Variants in ZNF516 observed in about 807,000 individuals in gnomAD.
The protein encoded by ZNF516 is zinc finger protein 516.
A neutral mutation model predicts 79.7 loss-of-function variants in ZNF516; 19 were observed. That is an observed-to-expected ratio of 0.24 (90% confidence interval 0.17 to 0.35). ZNF516 has a LOEUF of 0.35. Ranked by LOEUF, ZNF516 falls within the 10% of genes least tolerant of loss-of-function variation. The probability of loss-of-function intolerance (pLI) is 1.00; values close to 1 mark genes in which losing one functional copy is unlikely to be tolerated. For missense variants in ZNF516, 1,678 were observed against 1,679.5 expected, an observed-to-expected ratio of 1.00 and a Z score of 0.02; for synonymous variants, 877 against 739.5, an observed-to-expected ratio of 1.19 and a Z score of -3.02.
At chr18:76,462,548 C>T (rs1200463315) in intron 2 of ZNF516, among the ~76,000 whole-genome samples, 4 of 152,204 alleles carry the variant, frequency 2.6e-5, no homozygotes, top group Admixed American at 6.5e-5. Flanking sequence ...TCCATCACTG[C>T]GTTAGGCAGC....
intron 5 of ZNF516, 102 bp from the exon 6 acceptor site, chr18:76,370,697 C>T (rs1276743475): frequency 2.0e-6 from 2 of 992,772 alleles, no homozygotes. Context: ...AAAAAAGACA[C>T]CAGCGCCTAG....
At chr18:76,471,946 T>C (rs1420218965) in intron 1 of ZNF516, among the ~76,000 whole-genome samples, 2 of 152,160 alleles carry the variant, frequency 1.3e-5, no homozygotes, top group African/African-American at 4.8e-5. Context: ...ACAGCTGCCC[T>C]GCACCCTCCC....
At chr18:76,484,484 A>C (rs902287245) in intron 1 of ZNF516, among the ~76,000 whole-genome samples, 4 of 152,174 alleles carry the variant, frequency 2.6e-5, no homozygotes, top group African/African-American at 9.7e-5. Flanking sequence ...CCGTGCTCTA[A>C]AATGGCGGCC....
chr18:76,493,573 G>A lies in ZNF516; in HGVS notation c.-272+1571C>T, dbSNP rs1277896281. ...CTGGAGATAAACGATCATGTTAACA[G>A]ATGTTAATCTTGTAATCTGTTTTTC... On this transcript the variant is annotated intron_variant, in intron 1 of 6. Coordinates refer to ENST00000443185, the MANE Select transcript of ZNF516 (RefSeq NM_014643.4). This position sits in a 1 kb window ranked among gnomAD's most constrained non-coding sequence, Gnocchi z 5.2. 2 of 152,152 alleles carry A rather than the reference G, an allele frequency of 1.3e-5. No individual in the cohort carries two copies. The highest frequency in any genetic ancestry group is 2.9e-5 in the Non-Finnish European group (2 of 68,020). The allele number at this position is 152,152 out of a possible 1,614,324, so 9.4% of individuals were successfully genotyped here. A position where few individuals can be genotyped will look rare whatever the true frequency, so the allele number is the denominator to read the frequency against.
chr18:76,456,003 G>A (rs374135357), intron 2 of ZNF516, among the ~76,000 whole-genome samples: 136 of 152,306 alleles, frequency 8.9e-4, no homozygotes, highest in African/African-American at 3.2e-3. Context: ...ACTGGGCTCG[G>A]CATCCTCAAA....
At chr18:76,363,903 C>G (rs771345716) in intron 6 of ZNF516, among the ~76,000 whole-genome samples, 1 of 152,190 alleles carries the variant, frequency 6.6e-6, no homozygotes, top group African/African-American at 2.4e-5. Context: ...CCGTAAGAGG[C>G]GGGCAGGGGA....
chr18:76,418,206 C>T (rs576270655), intron 3 of ZNF516, among the ~76,000 whole-genome samples: 69 of 152,188 alleles, frequency 4.5e-4, no homozygotes, highest in African/African-American at 1.6e-3. Context: ...CACTGTAACA[C>T]ACGCTATAAC....
intron 1 of ZNF516, among the ~76,000 whole-genome samples, chr18:76,473,193 AAAG>A (rs1288036549): frequency 6.6e-6 from 1 of 152,136 alleles, no homozygotes; most frequent in East Asian, 1.9e-4. Flanking sequence ...AATAAAGAGA[AAAG>A]AAGAAAAAGC....
chr18:76,399,953 T>A (rs1394524518), intron 3 of ZNF516, among the ~76,000 whole-genome samples: 1 of 152,132 alleles, frequency 6.6e-6, no homozygotes, highest in Non-Finnish European at 1.5e-5. Flanking sequence ...TAGTTTGGTC[T>A]CCCAGTGGGG....
At chr18:76,449,931 T>A (rs1017508925) in intron 2 of ZNF516, among the ~76,000 whole-genome samples, 9 of 152,382 alleles carry the variant, frequency 5.9e-5, no homozygotes, top group African/African-American at 1.9e-4. Context: ...CCAACACCTA[T>A]AATCATCTAC....
Position 76,379,172 on chromosome 18 carries a change from T to A in ZNF516, c.2942A>T (p.Gln981Leu). The change falls in exon 4 of 7, where the codon CAG becomes CTG. Residue 981 changes from glutamine (Q) to leucine (L), a missense_variant. Coordinates refer to ENST00000443185, the MANE Select transcript of ZNF516 (RefSeq NM_014643.4). Reference protein sequence around the residue: ...PDSLKAKFSAQPQGPPPAKGE... With the variant: ...PDSLKAKFSALPQGPPPAKGE... Reference sequence around the variant, plus strand: ...CTTTGCAGGAGGTGGACCCTGAGGCTGAGCACTGAATTTGGCTTTCAGGGA... The same window carrying A: ...CTTTGCAGGAGGTGGACCCTGAGGCAGAGCACTGAATTTGGCTTTCAGGGA... 6.2e-7 allele frequency: 1 copy of A among 1,612,898 alleles called. No homozygotes were observed. The highest frequency in any genetic ancestry group is 8.5e-7 in the Non-Finnish European group (1 of 1,179,748).
rs993119795 is a variant in ZNF516 at position 76,454,661 on chromosome 18, G to A, written c.-158+8367C>T. On this transcript the variant is annotated intron_variant, in intron 2 of 6. Coordinates refer to ENST00000443185, the MANE Select transcript of ZNF516 (RefSeq NM_014643.4). ...AAAAACATGATGTCACATTTCCATA[G>A]GATTTACCCTGCACTGCCTGTCTAA... Among the ~76,000 whole-genome samples, 3 of 152,284 alleles carry A rather than the reference G, an allele frequency of 2.0e-5. No individual in the cohort carries two copies. The South Asian group carries it at 6.2e-4, about 32-fold the overall frequency.
chr18:76,409,173 TGA>T (rs10532007), intron 3 of ZNF516, among the ~76,000 whole-genome samples: 49,362 of 151,928 alleles, frequency 0.32, 8,252 homozygotes, highest in East Asian at 0.45. Context: ...CCAGGGAAAT[TGA>T]GACTTTGCTT....
At chr18:76,481,660 T>A (rs1048036634) in intron 1 of ZNF516, among the ~76,000 whole-genome samples, 1 of 152,210 alleles carries the variant, frequency 6.6e-6, no homozygotes, top group Admixed American at 6.5e-5. Flanking sequence ...GACCTGTGCA[T>A]ATTAAATAAC....
At chr18:76,415,925 C>T (rs1431651303) in intron 3 of ZNF516, among the ~76,000 whole-genome samples, 3 of 152,210 alleles carry the variant, frequency 2.0e-5, no homozygotes, top group Non-Finnish European at 4.4e-5. Flanking sequence ...TGCTTCAGTT[C>T]CAACTACCAA....
chr18:76,398,507 C>T (rs952807897), intron 3 of ZNF516, among the ~76,000 whole-genome samples: 5 of 152,112 alleles, frequency 3.3e-5, no homozygotes, highest in Middle Eastern at 3.4e-3. Context: ...CGGGGACTGT[C>T]GGGAAGAAGG....
intron 3 of ZNF516, among the ~76,000 whole-genome samples, chr18:76,438,306 G>C (rs1477729135): frequency 6.6e-6 from 1 of 152,222 alleles, no homozygotes; most frequent in Admixed American, 6.5e-5. Context: ...TCCTTGCAAA[G>C]CAATATTCGT....
chr18:76,434,856 C>T (rs1437587443), intron 3 of ZNF516, among the ~76,000 whole-genome samples: 1 of 152,266 alleles, frequency 6.6e-6, no homozygotes, highest in African/African-American at 2.4e-5. Flanking sequence ...AGCCTCCCCA[C>T]TGCAACGCAG....
intron 2 of ZNF516, among the ~76,000 whole-genome samples, chr18:76,457,269 C>T (rs1335514230): frequency 6.6e-6 from 1 of 152,226 alleles, no homozygotes; most frequent in Non-Finnish European, 1.5e-5. Context: ...TTCTCTCCTT[C>T]TTAAACTGAA....
Sources: allele counts gnomAD v4.1 joint callset (sites outside exome capture counted in the v4.1 genomes callset), GRCh38; gene constraint gnomAD v4.1.1; non-coding constraint Gnocchi (gnomAD v3.1); transcripts MANE v1.5; gene names NCBI Gene and HGNC (gene_info 2026-07-23, HGNC 2026-07-21).